PLPP4: variants seen among roughly 807,000 people sequenced by gnomAD.
The protein encoded by PLPP4 is phospholipid phosphatase 4.
In PLPP4, 20 loss-of-function variants were observed where a neutral mutation model predicts 32.2. The observed-to-expected ratio is 0.62, with a 90% CI of 0.44 to 0.90. The LOEUF (loss-of-function observed/expected upper bound fraction) is 0.90. Ranked by LOEUF, PLPP4 falls within the 40% of genes least tolerant of loss-of-function variation. The pLI is 0.00. For synonymous variants in PLPP4, 127 were observed against 133.0 expected (o/e 0.95, Z 0.31); for missense variants, 257 against 353.1 (o/e 0.73, Z 2.18).
chr10:120,470,757 A>C (rs1459118651), intron 1 of PLPP4, among the ~76,000 whole-genome samples: 1 of 149,934 alleles, frequency 6.7e-6, no homozygotes, highest in Non-Finnish European at 1.5e-5. Context: ...AGATATCTGT[A>C]GGGAAAATTT....
chr10:120,466,454 A>G (rs1848316536), intron 1 of PLPP4, among the ~76,000 whole-genome samples: 4 of 152,168 alleles, frequency 2.6e-5, no homozygotes, highest in Non-Finnish European at 5.9e-5. Context: ...AACAGAGATA[A>G]ATCTCAAAAA....
At chr10:120,544,197 T>C (rs1239895333) in intron 5 of PLPP4, among the ~76,000 whole-genome samples, 2 of 152,236 alleles carry the variant, frequency 1.3e-5, no homozygotes, top group African/African-American at 2.4e-5. Flanking sequence ...ACTATACTGC[T>C]TTCCACCGCA....
intron 5 of PLPP4, among the ~76,000 whole-genome samples, chr10:120,549,513 G>C (rs2133982086): frequency 6.6e-6 from 1 of 151,912 alleles, no homozygotes; most frequent in Non-Finnish European, 1.5e-5. Context: ...GCTCTGTAAG[G>C]CTATACAGAT....
intron 5 of PLPP4, among the ~76,000 whole-genome samples, chr10:120,524,310 A>G (rs1846294549): frequency 6.6e-6 from 1 of 152,176 alleles, no homozygotes; most frequent in Non-Finnish European, 1.5e-5. Context: ...ACTGCTCCTC[A>G]GAGGGGGTGA....
At chr10:120,570,192 C>A (rs1423281556) in intron 5 of PLPP4, among the ~76,000 whole-genome samples, 1 of 152,080 alleles carries the variant, frequency 6.6e-6, no homozygotes, top group African/African-American at 2.4e-5. Flanking sequence ...CCTCTGCCTG[C>A]TCTGCTTGGC....
Position 120,457,498 on chromosome 10 carries a change from C to T in PLPP4, c.56+137C>T, listed in dbSNP as rs1847841590. Reference sequence around the variant, plus strand: ...CGAGGTCCCTTCCCCGCCAAGTGCCCGCAACGTGTCCTACGGGACCAAGAG... The same window carrying T: ...CGAGGTCCCTTCCCCGCCAAGTGCCTGCAACGTGTCCTACGGGACCAAGAG... On this transcript the variant is annotated intron_variant, in intron 1 of 6. Coordinates refer to ENST00000398250, the MANE Select transcript of PLPP4 (RefSeq NM_001030059.3). 9 of 659,430 alleles carry T rather than the reference C, an allele frequency of 1.4e-5. No individual in the cohort carries two copies. In the South Asian group the frequency reaches 1.6e-4, roughly 12 times the overall value. The allele number at this position is 659,430 out of a possible 1,614,324, so 40.8% of individuals were successfully genotyped here.
chr10:120,489,760 C>A (rs1481333155), intron 1 of PLPP4, among the ~76,000 whole-genome samples: 1 of 152,126 alleles, frequency 6.6e-6, no homozygotes, highest in Non-Finnish European at 1.5e-5. Flanking sequence ...AAAATTTTAA[C>A]ATGGAGCAGC....
chr10:120,573,959 AG>A (rs1849060861), intron 5 of PLPP4, among the ~76,000 whole-genome samples: 1 of 152,110 alleles, frequency 6.6e-6, no homozygotes, highest in African/African-American at 2.4e-5. Context: ...CGTTTTGCCA[AG>A]TCACTGTGTG....
intron 5 of PLPP4, among the ~76,000 whole-genome samples, chr10:120,564,528 T>A (rs1848597823): frequency 1.3e-5 from 2 of 151,938 alleles, no homozygotes; most frequent in African/African-American, 4.8e-5. Context: ...TATTTCTGTT[T>A]TCTGTTTATT....
chr10:120,482,693 A>G (rs1284992299), intron 1 of PLPP4, among the ~76,000 whole-genome samples: 1 of 151,906 alleles, frequency 6.6e-6, no homozygotes, highest in South Asian at 2.1e-4. Context: ...TCACGAGGTC[A>G]GGAGATCGAG....
chr10:120,521,126 C>T, intron 5 of PLPP4, 31 bp downstream of exon 5: 1 of 1,611,786 alleles, frequency 6.2e-7, no homozygotes, highest in South Asian at 1.1e-5. Context: ...CTCTTAATGC[C>T]CCCAGTCATG....
At chr10:120,483,651 T>C (rs1472088873) in intron 1 of PLPP4, among the ~76,000 whole-genome samples, 4 of 152,222 alleles carry the variant, frequency 2.6e-5, no homozygotes, top group Admixed American at 2.0e-4. Context: ...CAGAGCCTAA[T>C]GGAAGGTGTT....
At chr10:120,580,115 CAAAAAAAAAAAAAAA>C (rs10609637) in intron 6 of PLPP4, among the ~76,000 whole-genome samples, 1 of 91,572 alleles carries the variant, frequency 1.1e-5, no homozygotes, top group Non-Finnish European at 2.2e-5. Context: ...GCGAGACTCT[CAAAAAAAAAAAAAAA>C]AAAAAAAAAG....
At chr10:120,527,839 A>G (rs1253253014) in intron 5 of PLPP4, among the ~76,000 whole-genome samples, 1 of 152,214 alleles carries the variant, frequency 6.6e-6, no homozygotes, top group Non-Finnish European at 1.5e-5. Flanking sequence ...TTGAGAAATT[A>G]TCACATGATA....
intron 5 of PLPP4, among the ~76,000 whole-genome samples, chr10:120,542,218 G>A (rs887190604): frequency 4.6e-5 from 7 of 152,206 alleles, no homozygotes; most frequent in Non-Finnish European, 8.8e-5. Flanking sequence ...GGTCACCGAG[G>A]CAGGAACACC....
At chr10:120,553,945 G>A (rs1011690426) in intron 5 of PLPP4, among the ~76,000 whole-genome samples, 16 of 152,210 alleles carry the variant, frequency 1.1e-4, no homozygotes, top group African/African-American at 3.6e-4. Flanking sequence ...TTTCCCCAAA[G>A]TCTTGGCTAT....
chr10:120,534,278 C>A (rs1316195409), intron 5 of PLPP4, among the ~76,000 whole-genome samples: 1 of 150,898 alleles, frequency 6.6e-6, no homozygotes. Context: ...CTGTTTTCTT[C>A]TGGAGTTGTT....
chr10:120,581,318 T>C, intron 6 of PLPP4: 1 of 985,162 alleles, frequency 1.0e-6, no homozygotes, highest in Non-Finnish European at 1.2e-6. Context: ...ACTCCAACTT[T>C]TCCTTCCCAC....
intron 5 of PLPP4, among the ~76,000 whole-genome samples, chr10:120,531,253 G>A (rs896631695): frequency 6.6e-6 from 1 of 151,772 alleles, no homozygotes; most frequent in African/African-American, 2.4e-5. Context: ...CTACAGGCAC[G>A]TGCCACCACG....
Sources: gnomAD v4.1 joint callset for allele counts (sites outside exome capture counted in the v4.1 genomes callset) on GRCh38, gnomAD v4.1.1 for gene constraint, MANE v1.5 for transcripts, NCBI Gene and HGNC (gene_info 2026-07-23, HGNC 2026-07-21) for gene names.